The following FARP2 variants were observed in gnomAD, a reference collection of about 807,000 sequenced individuals.
FARP2 encodes FERM, ARHGEF and pleckstrin domain-containing protein 2.
A neutral mutation model predicts 130.5 loss-of-function variants in FARP2; 111 were observed. The observed-to-expected ratio is 0.85, with a 90% CI of 0.73 to 1.00. FARP2 has a LOEUF of 1.00. Among genes scored for constraint, FARP2 ranks in the 50% least tolerant of loss-of-function variants. The probability of loss-of-function intolerance (pLI) is 0.00; values close to 1 mark genes in which losing one functional copy is unlikely to be tolerated. For missense variants in FARP2, 1,385 were observed against 1,346.3 expected (o/e 1.03, Z -0.45); for synonymous variants, 504 against 516.9 (o/e 0.98, Z 0.34).
intron 13 of FARP2, among the ~76,000 whole-genome samples, chr2:241,450,770 G>A (rs540703928): frequency 3.4e-4 from 52 of 152,078 alleles, no homozygotes; most frequent in Non-Finnish European, 6.5e-4. Flanking sequence ...GACCAACATG[G>A]CAAAAACTGT....
rs1050128052 is a variant in FARP2 at position 241,493,269 on chromosome 2, C to T, written c.2896-24C>T. 5.0e-6 allele frequency: 8 copies of T among 1,610,478 alleles called. No individual in the cohort carries two copies. In the African/African-American group the frequency reaches 5.3e-5, roughly 11 times the overall value. On this transcript the variant is annotated intron_variant, in intron 25 of 26. Coordinates refer to ENST00000264042, the MANE Select transcript of FARP2 (RefSeq NM_014808.4). Reference sequence around the variant, plus strand: ...CCTGTGGCAACCCAGCCCCTGGAACCCGTGTCCCTATGCTGTCTTGCAGGA... The same window carrying T: ...CCTGTGGCAACCCAGCCCCTGGAACTCGTGTCCCTATGCTGTCTTGCAGGA...
chr2:241,477,987 C>T (rs1267280492), intron 19 of FARP2: 1 of 152,418 alleles, frequency 6.6e-6, no homozygotes, highest in Non-Finnish European at 1.5e-5. Flanking sequence ...ATTCTGAATG[C>T]TAGACCTTTA....
chr2:241,465,447 G>A, intron 17 of FARP2: 1 of 1,549,412 alleles, frequency 6.5e-7, no homozygotes, highest in South Asian at 1.2e-5. Flanking sequence ...AGGCTCATAG[G>A]TTTTTCTTTC....
At position 241,489,641 on chromosome 2, in the gene FARP2, T is replaced by C. The variant is rs181084034; in HGVS notation, c.2422-321T>C. On this transcript the variant is annotated intron_variant, in intron 21 of 26. Transcript: ENST00000264042. ...CTGTTAGGTTTTGGTCTTTGGTTCA[T>C]AAATGAATTGTCCAACTCCCTTTTG... The C allele has an allele frequency of 3.0e-3, 591 of 195,418 alleles. 1 individual carries two copies. Among genetic ancestry groups the C allele is most frequent in the Non-Finnish European group, 4.7e-3 (447 of 95,154 alleles). 12.1% of individuals were successfully genotyped at this position (195,418 alleles called of 1,614,324 possible). A position where few individuals can be genotyped will look rare whatever the true frequency, so the allele number is the denominator to read the frequency against.
intron 17 of FARP2, among the ~76,000 whole-genome samples, chr2:241,464,219 C>A (rs191437918): frequency 6.7e-6 from 1 of 149,984 alleles, no homozygotes; most frequent in Admixed American, 6.6e-5. Context: ...GGATCCCCCC[C>A]AGACCAGGGT....
In FARP2 at chr2:241,483,547, CCA is replaced by C. The variant is rs1205234607; in HGVS notation, c.2331+16_2331+17del. The C allele has an allele frequency of 1.2e-6, 2 of 1,612,524 alleles. No individual in the cohort carries two copies. Among genetic ancestry groups the C allele is most frequent in the South Asian group, 2.2e-5 (2 of 91,062 alleles). ...ATGTTTTTTCTGGTAGGTTCTCTCC[CCA>C]CTCAAGCTGTGCTTCCCCCCGAGGG... On this transcript the variant is annotated intron_variant, in intron 20 of 26. Coordinates refer to ENST00000264042, the MANE Select transcript of FARP2 (RefSeq NM_014808.4).
intron 18 of FARP2, among the ~76,000 whole-genome samples, chr2:241,471,811 G>A (rs1000317769): frequency 6.6e-6 from 1 of 152,078 alleles, no homozygotes; most frequent in South Asian, 2.1e-4. Flanking sequence ...GCTGTTCTAC[G>A]GAGACCCTAT....
Position 241,452,035 on chromosome 2 carries a change from G to A in FARP2, c.1412-4712G>A, listed in dbSNP as rs1295774098. Among the ~76,000 whole-genome samples the A allele has an allele frequency of 3.3e-5, 5 of 152,232 alleles. No individual in the cohort carries two copies. The East Asian group carries it at 5.8e-4, about 18-fold the overall frequency. On this transcript the variant is annotated intron_variant, in intron 13 of 26. Coordinates refer to ENST00000264042, the MANE Select transcript of FARP2 (RefSeq NM_014808.4). ...TTCCCAAAGTGCTGGGATTACAGGC[G>A]TAAGCCCGGCCAACATCTGCTTTTA...
At chr2:241,473,216 C>G (rs2064365839) in intron 18 of FARP2, among the ~76,000 whole-genome samples, 1 of 147,694 alleles carries the variant, frequency 6.8e-6, no homozygotes, top group African/African-American at 2.5e-5. Context: ...TCTGTGAGGA[C>G]CCTTTTCTAA....
chr2:241,454,680 A>G lies in FARP2; in HGVS notation c.1412-2067A>G, dbSNP rs1267231749. On this transcript the variant is annotated intron_variant, in intron 13 of 26. Coordinates refer to ENST00000264042, the MANE Select transcript of FARP2 (RefSeq NM_014808.4). ...CCAGTATGTGAGGCAAGGCGGAAGTAGGAATTTCATGCTGTTTTAAGGTTG... is the reference window on the plus strand; with the variant it reads ...CCAGTATGTGAGGCAAGGCGGAAGTGGGAATTTCATGCTGTTTTAAGGTTG... Among the ~76,000 whole-genome samples the G allele has an allele frequency of 2.6e-5, 4 of 152,240 alleles. No individual in the cohort carries two copies. The East Asian group carries it at 7.7e-4, about 29-fold the overall frequency.
At position 241,459,363 on chromosome 2, in the gene FARP2, G is replaced by C. The variant is rs1469661628; in HGVS notation, c.1587+2441G>C. ...AGCCAGGGTGACAGGGGTCTGAGAA[G>C]CACGTGCTGCCACTGAGGCCACCCG... On this transcript the variant is annotated intron_variant, in intron 14 of 26. Transcript: ENST00000264042. This position sits in a 1 kb window ranked among gnomAD's most constrained non-coding sequence, Gnocchi z 5.3. Among the ~76,000 whole-genome samples, 1 of 152,228 alleles carries C rather than the reference G, an allele frequency of 6.6e-6. No homozygotes were observed. The highest frequency in any genetic ancestry group is 1.5e-5 in the Non-Finnish European group (1 of 68,040).
intron 14 of FARP2, among the ~76,000 whole-genome samples, chr2:241,461,064 A>G (rs978732227): frequency 6.6e-6 from 1 of 152,202 alleles, no homozygotes; most frequent in African/African-American, 2.4e-5. Flanking sequence ...ACAGCAGTAC[A>G]AGGAAGAAGA....
At chr2:241,439,381 G>A (rs1208469834) in intron 12 of FARP2, among the ~76,000 whole-genome samples, 1 of 151,912 alleles carries the variant, frequency 6.6e-6, no homozygotes, top group Non-Finnish European at 1.5e-5. Flanking sequence ...CCAGGCTGGA[G>A]TGCAGTGGTG....
Position 241,406,893 on chromosome 2 carries a change from C to T in FARP2, c.332-644C>T, listed in dbSNP as rs571668232. Among the ~76,000 whole-genome samples, 85 of 152,162 alleles carry T rather than the reference C, an allele frequency of 5.6e-4. 1 individual carries two copies. Among genetic ancestry groups the T allele is most frequent in the East Asian group, 9.7e-4 (5 of 5,150 alleles). Reference sequence around the variant, plus strand: ...CACGATCGCGGCTCACTGCAATCCCCGCCTCCCGGGTTCACGCCATTGTCC... The same window carrying T: ...CACGATCGCGGCTCACTGCAATCCCTGCCTCCCGGGTTCACGCCATTGTCC... On this transcript the variant is annotated intron_variant, in intron 4 of 26. Transcript: ENST00000264042.
chr2:241,448,610 G>A (rs985377352), intron 13 of FARP2, among the ~76,000 whole-genome samples: 2 of 152,320 alleles, frequency 1.3e-5, no homozygotes, highest in African/African-American at 2.4e-5. Context: ...AGAGGAGACC[G>A]TACACCTGGC....
At chr2:241,454,241 G>A (rs2063772767) in intron 13 of FARP2, among the ~76,000 whole-genome samples, 1 of 152,064 alleles carries the variant, frequency 6.6e-6, no homozygotes, top group African/African-American at 2.4e-5. Context: ...AGATTTTGCA[G>A]CAACTTTTTG....
intron 2 of FARP2, among the ~76,000 whole-genome samples, chr2:241,402,051 A>G (rs1259654706): frequency 6.6e-6 from 1 of 152,084 alleles, no homozygotes; most frequent in Non-Finnish European, 1.5e-5. Flanking sequence ...CAGCCTCCCA[A>G]AGTGCTAGGA....
chr2:241,423,804 C>T (rs1171530897), intron 8 of FARP2, among the ~76,000 whole-genome samples: 1 of 151,994 alleles, frequency 6.6e-6, no homozygotes, highest in Admixed American at 6.6e-5. Flanking sequence ...AAAAACAAGG[C>T]TTGCAATCCT....
intron 8 of FARP2, among the ~76,000 whole-genome samples, chr2:241,430,471 C>G (rs1453582328): frequency 1.3e-5 from 2 of 152,138 alleles, no homozygotes; most frequent in African/African-American, 2.4e-5. Flanking sequence ...ACCCACTCAC[C>G]TCATATATCT....
Sources: allele counts gnomAD v4.1 joint callset (sites outside exome capture counted in the v4.1 genomes callset), GRCh38; gene constraint gnomAD v4.1.1; non-coding constraint Gnocchi (gnomAD v3.1); transcripts MANE v1.5; gene names NCBI Gene and HGNC (gene_info 2026-07-23, HGNC 2026-07-21).